TECTB: variants seen among roughly 807,000 people sequenced by gnomAD.
TECTB encodes the protein beta-tectorin.
In TECTB, 45 loss-of-function variants were observed where a neutral mutation model predicts 43.3. The ratio of observed to expected loss-of-function variants is 1.04; its 90% CI spans 0.82 to 1.33. TECTB has a LOEUF of 1.33. Ranked by LOEUF, TECTB falls within the 40% of genes most tolerant of loss-of-function variation. TECTB has a pLI of 0.00. For synonymous variants in TECTB, 169 were observed against 156.7 expected (o/e 1.08, Z -0.59); for missense variants, 399 against 404.7 (o/e 0.99, Z 0.12).
Position 112,302,983 on chromosome 10 carries a change from T to A in TECTB, c.941-280T>A, listed in dbSNP as rs973605576. 6.7e-6 allele frequency: 3 copies of A among 445,134 alleles called. No homozygotes were observed. The Admixed American group carries it at 1.0e-4, about 15-fold the overall frequency. 27.6% of individuals were successfully genotyped at this position (445,134 alleles called of 1,614,324 possible). A position where few individuals can be genotyped will look rare whatever the true frequency, so the allele number is the denominator to read the frequency against. On this transcript the variant is annotated intron_variant, in intron 10 of 10. Coordinates refer to ENST00000646139, the MANE Select transcript of TECTB (RefSeq NM_058222.3). ...TGTAAATCAACTTTTAAAATTCCAA[T>A]CCTAGATTCTCATCGTTTTTAAGTT...
At chr10:112,303,163 G>A in intron 10 of TECTB, 100 bp from the exon 11 acceptor site, 1 of 1,416,290 alleles carries the variant, frequency 7.1e-7, no homozygotes, top group Non-Finnish European at 1.0e-6. Flanking sequence ...TAAAATGTGT[G>A]GAATTTTATG....
rs1848441234 is a variant in TECTB at position 112,284,822 on chromosome 10, T to G, written c.267+97T>G. On this transcript the variant is annotated intron_variant, in intron 3 of 10. Coordinates refer to ENST00000646139, the MANE Select transcript of TECTB (RefSeq NM_058222.3). The stretch of plus-strand genomic sequence containing the variant: ...TCTGTCCTTGAAAGGATTCAGAATT[T>G]ACCCATTTCCTTTTAAAGGTCAGTC... 6 of 1,145,642 alleles carry G rather than the reference T, an allele frequency of 5.2e-6. No individual in the cohort carries two copies. The Admixed American group carries it at 1.8e-4, about 34-fold the overall frequency. 71.0% of individuals were successfully genotyped at this position (1,145,642 alleles called of 1,614,324 possible).
intron 7 of TECTB, among the ~76,000 whole-genome samples, chr10:112,296,610 A>C (rs1848548833): frequency 6.6e-6 from 1 of 152,174 alleles, no homozygotes; most frequent in Admixed American, 6.5e-5. Context: ...GGAAAATGCC[A>C]CAGTTTCATC....
At chr10:112,296,574 C>G (rs1434537978) in intron 7 of TECTB, among the ~76,000 whole-genome samples, 1 of 152,176 alleles carries the variant, frequency 6.6e-6, no homozygotes, top group Non-Finnish European at 1.5e-5. Context: ...ACAAAATGAT[C>G]CTACAGAAGT....
At chr10:112,300,307 GAAAGAAAGAAAGAGAAAGAAAA>G (rs1848597213) in intron 9 of TECTB, among the ~76,000 whole-genome samples, 1 of 107,428 alleles carries the variant, frequency 9.3e-6, no homozygotes. Context: ...AAGAAAGAAA[GAAAGAAAGAAAGAGAAAGAAAA>G]AAGAAAAGAA....
intron 7 of TECTB, among the ~76,000 whole-genome samples, chr10:112,296,335 T>C (rs1474619248): frequency 1.3e-5 from 2 of 152,100 alleles, no homozygotes; most frequent in Admixed American, 1.3e-4. Flanking sequence ...CCTGTGGGCT[T>C]CCACCATCTA....
intron 7 of TECTB, among the ~76,000 whole-genome samples, chr10:112,295,596 T>C (rs1182788783): frequency 1.3e-5 from 2 of 152,204 alleles, no homozygotes; most frequent in Non-Finnish European, 2.9e-5. Flanking sequence ...AATCTGGGTG[T>C]TTACCTCACA....
chr10:112,291,153 C>A (rs1337359096), intron 5 of TECTB, among the ~76,000 whole-genome samples: 6 of 152,046 alleles, frequency 3.9e-5, no homozygotes, highest in Middle Eastern at 3.2e-3. Flanking sequence ...CTCTCCCTCC[C>A]CCACCCCACC....
At chr10:112,297,381 A>C (rs1346242188) in intron 7 of TECTB, among the ~76,000 whole-genome samples, 1 of 152,196 alleles carries the variant, frequency 6.6e-6, no homozygotes, top group Non-Finnish European at 1.5e-5. Flanking sequence ...AGACGTTGGA[A>C]TATCATACAA....
At chr10:112,297,354 C>T (rs1263960681) in intron 7 of TECTB, among the ~76,000 whole-genome samples, 1 of 152,066 alleles carries the variant, frequency 6.6e-6, no homozygotes, top group African/African-American at 2.4e-5. Flanking sequence ...ATTTTTTAAA[C>T]TGAATTATTA....
At chr10:112,290,719 T>A (rs904649780) in intron 5 of TECTB, among the ~76,000 whole-genome samples, 1 of 152,212 alleles carries the variant, frequency 6.6e-6, no homozygotes, top group Non-Finnish European at 1.5e-5. Context: ...AAAATCACTG[T>A]AAATCTGCCA....
At chr10:112,293,633 T>G (rs1026857969) in intron 5 of TECTB, 105 bp from the exon 6 acceptor site, 1 of 957,040 alleles carries the variant, frequency 1.0e-6, no homozygotes, top group Non-Finnish European at 1.7e-6. Flanking sequence ...GCTTATGTCT[T>G]TGGGTTGATT....
In TECTB at chr10:112,286,222, C is replaced by T. The variant is rs1158238706; in HGVS notation, c.410+9C>T. The stretch of plus-strand genomic sequence containing the variant: ...GCTGCCTTTGACCAGAGGTAAGTTG[C>T]TGTGCGGCATGGAGGGCTGGCTGCC... On this transcript the variant is annotated intron_variant, in intron 4 of 10. Transcript: ENST00000646139. The T allele has an allele frequency of 6.2e-7, 1 of 1,614,148 alleles. No homozygotes were observed. The highest frequency in any genetic ancestry group is 8.5e-7 in the Non-Finnish European group (1 of 1,179,992).
At chr10:112,285,972 T>G in intron 3 of TECTB, 99 bp from the exon 4 acceptor site, 3 of 1,492,294 alleles carry the variant, frequency 2.0e-6, no homozygotes, top group Non-Finnish European at 2.8e-6. Context: ...GTCTCCCCAC[T>G]GGACTTGTTT....
At chr10:112,301,266 G>A (rs1168952591) in intron 9 of TECTB, among the ~76,000 whole-genome samples, 1 of 152,048 alleles carries the variant, frequency 6.6e-6, no homozygotes, top group Non-Finnish European at 1.5e-5. Context: ...AAATTATCCG[G>A]GAGTGGTGGT....
chr10:112,293,754 T>C lies in TECTB; in HGVS notation c.500T>C (p.Ile167Thr). 1.2e-6 allele frequency: 2 copies of C among 1,614,136 alleles called. No individual in the cohort carries two copies. The highest frequency in any genetic ancestry group is 1.3e-5 in the African/African-American group (1 of 75,038). ...LNFYTNAKFSIKKEAPFVLEA... is the reference protein window; with the variant it reads ...LNFYTNAKFSTKKEAPFVLEA... ...CTTCCAAAGAATGCCAAGTTCTCCATCAAGAAAGAAGCTCCCTTTGTCCTG... is the reference window on the plus strand; with the variant it reads ...CTTCCAAAGAATGCCAAGTTCTCCACCAAGAAAGAAGCTCCCTTTGTCCTG... The change falls in exon 6 of 11, where the codon ATC (isoleucine) becomes ACC (threonine). Residue 167 changes from isoleucine (I) to threonine (T), a missense_variant. Coordinates refer to ENST00000646139, the MANE Select transcript of TECTB (RefSeq NM_058222.3).
At position 112,293,964 on chromosome 10, in the gene TECTB, T is replaced by G. The variant is rs1458553609; in HGVS notation, c.588-14T>G. 1.2e-6 allele frequency: 2 copies of G among 1,613,962 alleles called. No individual in the cohort carries two copies. Among genetic ancestry groups the G allele is most frequent in the East Asian group, 2.2e-5 (1 of 44,904 alleles). On this transcript the variant is annotated splice_polypyrimidine_tract_variant and intron_variant, in intron 6 of 10. Transcript: ENST00000646139. ...TCTCTGTTTCAAAGTGATGCCATTT[T>G]GTTTTATTTCCAGGTTTAAAGTGGT... is the stretch of plus-strand genomic sequence containing the variant.
At chr10:112,287,733 C>T (rs114997874) in intron 5 of TECTB, among the ~76,000 whole-genome samples, 15 of 152,246 alleles carry the variant, frequency 9.9e-5, no homozygotes, top group Admixed American at 5.9e-4. Context: ...TAGTTCAGAG[C>T]GGTGGCCAGT....
At chr10:112,303,214 C>T in intron 10 of TECTB, 49 bp from the exon 11 acceptor site, 2 of 1,610,244 alleles carry the variant, frequency 1.2e-6, no homozygotes, top group South Asian at 2.2e-5. Context: ...TGGCTTTACC[C>T]TTGTAGAACT....
Sources: gnomAD v4.1 joint callset for allele counts (sites outside exome capture counted in the v4.1 genomes callset) on GRCh38, gnomAD v4.1.1 for gene constraint, MANE v1.5 for transcripts, NCBI Gene and HGNC (gene_info 2026-07-23, HGNC 2026-07-21) for gene names.